HSPA4: variants seen among roughly 807,000 people sequenced by gnomAD.
HSPA4 encodes the protein heat shock protein family A (Hsp70) member 4.
A neutral mutation model predicts 106.2 loss-of-function variants in HSPA4; 25 were observed. That is an observed-to-expected ratio of 0.24 (90% CI 0.17 to 0.33). The LOEUF is 0.33. Ranked by LOEUF, HSPA4 falls within the 10% of genes least tolerant of loss-of-function variation. The probability of loss-of-function intolerance (pLI) is 1.00; values close to 1 mark genes in which losing one functional copy is unlikely to be tolerated. For missense variants in HSPA4, 841 were observed against 996.0 expected (o/e 0.84, Z 2.10); for synonymous variants, 332 against 333.6 (o/e 1.00, Z 0.05).
chr5:133,057,126 G>A (rs1765174589), intron 1 of HSPA4, among the ~76,000 whole-genome samples: 2 of 152,158 alleles, frequency 1.3e-5, no homozygotes, highest in African/African-American at 2.4e-5. Context: ...TCAAAAGTAT[G>A]AGTTGTTTGG....
intron 7 of HSPA4, among the ~76,000 whole-genome samples, chr5:133,084,200 A>T (rs569450686): frequency 2.0e-5 from 3 of 152,174 alleles, no homozygotes; most frequent in Non-Finnish European, 4.4e-5. Flanking sequence ...TGTATTATGT[A>T]GTTTTTTGTG....
At chr5:133,098,416 A>G (rs1037597117) in intron 15 of HSPA4, among the ~76,000 whole-genome samples, 3 of 151,642 alleles carry the variant, frequency 2.0e-5, no homozygotes, top group South Asian at 4.2e-4. Context: ...GGTTCACGCC[A>G]TTCTCCTGCC....
intron 1 of HSPA4, 80 bp from the exon 2 acceptor site, chr5:133,064,900 T>A: frequency 8.7e-7 from 1 of 1,155,970 alleles, no homozygotes; most frequent in South Asian, 1.3e-5. Context: ...TTTTAGCTGA[T>A]ACTCAGATCT....
intron 15 of HSPA4, 80 bp downstream of exon 15, chr5:133,097,366 T>TA: frequency 8.0e-7 from 1 of 1,249,964 alleles, no homozygotes; most frequent in East Asian, 2.4e-5. Flanking sequence ...AGTGTGCAGC[T>TA]ATATGTGTAT....
chr5:133,089,849 A>G lies in HSPA4; in HGVS notation c.1378+154A>G, dbSNP rs908708139. 2.0e-5 allele frequency among the ~76,000 whole-genome samples: 3 copies of G among 152,172 alleles called. No homozygotes were observed. The East Asian group carries it at 5.8e-4, about 29-fold the overall frequency. ...GGCAACATAGTGGGACCCTGTCTCC[A>G]TTTAAACAACAACAAAAAAAAGCTT... On this transcript the variant is annotated intron_variant, in intron 11 of 18. Transcript: ENST00000304858.
At chr5:133,089,479 A>G (rs1299767443) in intron 10 of HSPA4, 83 bp from the exon 11 acceptor site, 1 of 1,234,374 alleles carries the variant, frequency 8.1e-7, no homozygotes, top group Non-Finnish European at 1.2e-6. Flanking sequence ...CTAACACTGT[A>G]CAATAATTAC....
chr5:133,091,874 A>AAACAAC (rs368898451), intron 12 of HSPA4, among the ~76,000 whole-genome samples: 2 of 151,896 alleles, frequency 1.3e-5, no homozygotes, highest in African/African-American at 4.8e-5. Flanking sequence ...AAAAAGTTAA[A>AAACAAC]AACAACAACA....
At chr5:133,099,705 T>C in intron 16 of HSPA4, 53 bp downstream of exon 16, 1 of 866,278 alleles carries the variant, frequency 1.2e-6, no homozygotes, top group Non-Finnish European at 1.9e-6. Flanking sequence ...AAGCTTCCTC[T>C]GAGGAGCTCA....
chr5:133,105,014 A>G lies in HSPA4; in HGVS notation c.*578A>G, dbSNP rs560621313. On this transcript the variant is annotated 3_prime_UTR_variant, in exon 19 of 19. Coordinates refer to ENST00000304858, the MANE Select transcript of HSPA4 (RefSeq NM_002154.4). ...CCTCTCTCCCAATAAAAGGGCTCCC[A>G]TTATAAATGCCATGTACTTCTCTTG... 1 of 152,608 alleles carries G rather than the reference A, an allele frequency of 6.6e-6. No homozygotes were observed. Among genetic ancestry groups the G allele is most frequent in the East Asian group, 1.9e-4 (1 of 5,184 alleles). The allele number at this position is 152,608 out of a possible 1,614,324, so 9.5% of individuals were successfully genotyped here.
At chr5:133,091,629 G>A (rs1466266878) in intron 12 of HSPA4, among the ~76,000 whole-genome samples, 1 of 152,108 alleles carries the variant, frequency 6.6e-6, no homozygotes, top group East Asian at 1.9e-4. Context: ...CCTGATTCTG[G>A]TTGTTGAAGA....
intron 1 of HSPA4, among the ~76,000 whole-genome samples, chr5:133,063,849 ACT>A (rs1765275655): frequency 6.9e-6 from 1 of 145,158 alleles, no homozygotes; most frequent in Admixed American, 6.9e-5. Flanking sequence ...GCAACCTCCG[ACT>A]CCTTGGTTCA....
Position 133,105,191 on chromosome 5 carries a change from G to A in HSPA4, c.*755G>A, listed in dbSNP as rs548654323. ...TTGGGTAGATATACTGTTGGATATAGCCATGGTAAATTTAACTGAGGAATT... is the reference window on the plus strand; with the variant it reads ...TTGGGTAGATATACTGTTGGATATAACCATGGTAAATTTAACTGAGGAATT... On this transcript the variant is annotated 3_prime_UTR_variant, in exon 19 of 19. Coordinates refer to ENST00000304858, the MANE Select transcript of HSPA4 (RefSeq NM_002154.4). The A allele has an allele frequency of 2.0e-5, 3 of 152,336 alleles. No individual in the cohort carries two copies. The highest frequency in any genetic ancestry group is 7.2e-5 in the African/African-American group (3 of 41,564). The allele number at this position is 152,336 out of a possible 1,614,324, so 9.4% of individuals were successfully genotyped here. A position where few individuals can be genotyped will look rare whatever the true frequency, so the allele number is the denominator to read the frequency against.
At chr5:133,063,308 A>G (rs1470297028) in intron 1 of HSPA4, among the ~76,000 whole-genome samples, 1 of 149,384 alleles carries the variant, frequency 6.7e-6, no homozygotes, top group Non-Finnish European at 1.5e-5. Context: ...TTATAGAGAC[A>G]GGGTTTCGCC....
rs946252610 is a variant in HSPA4, at chr5:133,052,340, T to C, written c.90T>C (p.Tyr30=). 2 of 1,566,716 alleles carry C rather than the reference T, an allele frequency of 1.3e-6. No individual in the cohort carries two copies. Among genetic ancestry groups the C allele is most frequent in the African/African-American group, 1.4e-5 (1 of 73,528 alleles). ...GCATCGAGACTATCGCTAATGAGTA[T>C]AGCGACCGCTGCACGCCGTAAGTGT... ...AGGIETIANE[Y]SDRCTPACIS... The change falls in exon 1 of 19, where the codon TAT becomes TAC. Residue 30 remains tyrosine (Y), a synonymous_variant. Transcript: ENST00000304858.
rs543713899 is a variant in HSPA4, at chr5:133,067,306, CAAG to C, written c.166-107_166-105del. 1.0e-4 allele frequency: 94 copies of C among 933,362 alleles called. No homozygotes were observed. The African/African-American group carries it at 1.2e-3, about 12-fold the overall frequency. The allele number at this position is 933,362 out of a possible 1,614,324, so 57.8% of individuals were successfully genotyped here. A position where few individuals can be genotyped will look rare whatever the true frequency, so the allele number is the denominator to read the frequency against. Reference sequence around the variant, plus strand: ...GTTTAGGGTCTGAAGAAACCAAAACCAAGAAGGAGACTCTATATAAAGTTAAAA... The same window carrying C: ...GTTTAGGGTCTGAAGAAACCAAAACCAAGGAGACTCTATATAAAGTTAAAA... On this transcript the variant is annotated intron_variant, in intron 2 of 18. Coordinates refer to ENST00000304858, the MANE Select transcript of HSPA4 (RefSeq NM_002154.4).
intron 1 of HSPA4, among the ~76,000 whole-genome samples, chr5:133,063,393 A>G (rs1415998699): frequency 6.6e-6 from 1 of 152,080 alleles, no homozygotes; most frequent in East Asian, 1.9e-4. Context: ...CGTTGGGATT[A>G]CAGGCTTGAG....
chr5:133,095,127 T>C (rs1337610015), intron 13 of HSPA4, among the ~76,000 whole-genome samples: 1 of 152,072 alleles, frequency 6.6e-6, no homozygotes, highest in Non-Finnish European at 1.5e-5. Context: ...CTAGCCAACA[T>C]GGTGAAACCC....
intron 3 of HSPA4, among the ~76,000 whole-genome samples, chr5:133,068,082 C>T (rs888166437): frequency 4.0e-5 from 6 of 151,750 alleles, no homozygotes; most frequent in African/African-American, 7.3e-5. Flanking sequence ...TTAGTAGAGA[C>T]GGGGTTTCAC....
chr5:133,077,699 A>G (rs1364046623), intron 7 of HSPA4, among the ~76,000 whole-genome samples: 1 of 152,132 alleles, frequency 6.6e-6, no homozygotes, highest in East Asian at 1.9e-4. Flanking sequence ...TGGGAGTAAG[A>G]TGTTCTTTTG....
Sources: gnomAD v4.1 joint callset for allele counts (sites outside exome capture counted in the v4.1 genomes callset) on GRCh38, gnomAD v4.1.1 for gene constraint, MANE v1.5 for transcripts, NCBI Gene and HGNC (gene_info 2026-07-23, HGNC 2026-07-21) for gene names.